ARHGAP39: variants seen among roughly 807,000 people sequenced by gnomAD.
ARHGAP39 encodes the protein Rho GTPase activating protein 39.
Under a neutral mutation model 106.9 loss-of-function variants are expected in ARHGAP39, and 44 were observed. That is an observed-to-expected ratio of 0.41 (90% CI 0.32 to 0.53). ARHGAP39 has a LOEUF of 0.53. Among genes scored for constraint, ARHGAP39 ranks in the 20% least tolerant of loss-of-function variants. ARHGAP39 has a pLI of 0.21. For synonymous variants in ARHGAP39, 768 were observed against 693.2 expected, an observed-to-expected ratio of 1.11 and a Z score of -1.69; for missense variants, 1,496 against 1,577.3, an observed-to-expected ratio of 0.95 and a Z score of 0.87.
chr8:144,663,916 C>G (rs1174734755), intron 1 of ARHGAP39, among the ~76,000 whole-genome samples: 1 of 152,202 alleles, frequency 6.6e-6, no homozygotes, highest in East Asian at 1.9e-4. Flanking sequence ...CCTGTAATCC[C>G]AGCACGCTGG....
At chr8:144,571,064 C>T (rs370027110) in intron 3 of ARHGAP39, among the ~76,000 whole-genome samples, 1 of 152,178 alleles carries the variant, frequency 6.6e-6, no homozygotes, top group African/African-American at 2.4e-5. Context: ...CAGAGAGGAG[C>T]TGGTACCAGT....
intron 1 of ARHGAP39, among the ~76,000 whole-genome samples, chr8:144,669,405 G>A (rs1427129522): frequency 1.4e-5 from 2 of 143,218 alleles, no homozygotes; most frequent in Non-Finnish European, 3.0e-5. Flanking sequence ...TATTCAGGAG[G>A]CTGAGGCAGG....
At chr8:144,639,973 AAGAC>A (rs1821270347) in intron 1 of ARHGAP39, among the ~76,000 whole-genome samples, 1 of 152,208 alleles carries the variant, frequency 6.6e-6, no homozygotes, top group Non-Finnish European at 1.5e-5. Flanking sequence ...TAACATGAAA[AAGAC>A]AGCATTTTCA....
At chr8:144,652,971 C>T (rs150847256) in intron 1 of ARHGAP39, among the ~76,000 whole-genome samples, 1 of 152,084 alleles carries the variant, frequency 6.6e-6, no homozygotes, top group Non-Finnish European at 1.5e-5. Context: ...AGGTTCTCAA[C>T]GTGATTTTAA....
chr8:144,699,760 G>A, the ARHGAP39 span, among the ~76,000 whole-genome samples: 6 of 152,070 alleles, frequency 3.9e-5, no homozygotes, highest in East Asian at 5.8e-4. Flanking sequence ...GTAGGAAAGC[G>A]GGCTTCTCAC....
chr8:144,556,431 A>C (rs1368849672), intron 3 of ARHGAP39, among the ~76,000 whole-genome samples: 2 of 152,254 alleles, frequency 1.3e-5, no homozygotes, highest in African/African-American at 4.8e-5. Flanking sequence ...CAAACCGATA[A>C]GTATTTATGA....
intron 1 of ARHGAP39, among the ~76,000 whole-genome samples, chr8:144,677,685 A>G (rs1368609200): frequency 6.6e-6 from 1 of 152,002 alleles, no homozygotes; most frequent in African/African-American, 2.4e-5. Context: ...AAGGGTAAGG[A>G]AAAAAACAGA....
chr8:144,664,222 C>T (rs1400133676), intron 1 of ARHGAP39, among the ~76,000 whole-genome samples: 1 of 152,144 alleles, frequency 6.6e-6, no homozygotes, highest in Non-Finnish European at 1.5e-5. Flanking sequence ...CAGATTCCAA[C>T]AGCCTATCCC....
chr8:144,577,336 G>A (rs1269396987), intron 3 of ARHGAP39, among the ~76,000 whole-genome samples: 1 of 152,178 alleles, frequency 6.6e-6, no homozygotes, highest in Non-Finnish European at 1.5e-5. Context: ...GACTGAAGGA[G>A]AGAAACCACG....
intron 1 of ARHGAP39, among the ~76,000 whole-genome samples, chr8:144,664,785 G>T (rs1472039790): frequency 6.6e-6 from 1 of 152,168 alleles, no homozygotes; most frequent in Non-Finnish European, 1.5e-5. Context: ...GATTCTGAGG[G>T]TTCCCCAACC....
At chr8:144,696,929 G>A in the ARHGAP39 span, among the ~76,000 whole-genome samples, 5 of 152,090 alleles carry the variant, frequency 3.3e-5, no homozygotes, top group Non-Finnish European at 7.3e-5. Flanking sequence ...TGTCGTGACT[G>A]GCTTATTTAT....
rs1822531356 is a variant in ARHGAP39 at position 144,684,706 on chromosome 8, C to T, written c.-82+980G>A. Among the ~76,000 whole-genome samples the T allele has an allele frequency of 6.6e-6, 1 of 152,354 alleles. No individual in the cohort carries two copies. The highest frequency in any genetic ancestry group is 2.1e-4 in the South Asian group (1 of 4,824). On this transcript the variant is annotated intron_variant, in intron 1 of 11. Coordinates refer to ENST00000377307, the MANE Select transcript of ARHGAP39 (RefSeq NM_025251.3). The surrounding 1 kb of genome is among the most constrained non-coding windows in gnomAD (Gnocchi z 4.4). ...CGCCGCCCTGGGCACGGAACGCCGCCTCCACCCACAGCACTCCAGCAACTG... is the reference window on the plus strand; with the variant it reads ...CGCCGCCCTGGGCACGGAACGCCGCTTCCACCCACAGCACTCCAGCAACTG...
intron 6 of ARHGAP39, 88 bp from the exon 7 acceptor site, chr8:144,537,901 G>T (rs2075465307): frequency 1.7e-6 from 2 of 1,185,528 alleles, no homozygotes; most frequent in Non-Finnish European, 2.5e-6. Flanking sequence ...TGGTGAGCAG[G>T]CCCCTGGGCC....
intron 1 of ARHGAP39, among the ~76,000 whole-genome samples, chr8:144,635,194 G>A (rs561036096): frequency 2.0e-5 from 3 of 152,250 alleles, no homozygotes; most frequent in African/African-American, 7.2e-5. Flanking sequence ...TGAGGATGGG[G>A]TAGGTCACCA....
At chr8:144,600,119 G>A (rs866480698) in intron 2 of ARHGAP39, among the ~76,000 whole-genome samples, 9 of 151,908 alleles carry the variant, frequency 5.9e-5, no homozygotes, top group Admixed American at 2.6e-4. Context: ...CTATGTGTGC[G>A]TAGAGACGAG....
intron 3 of ARHGAP39, among the ~76,000 whole-genome samples, chr8:144,566,520 A>G (rs1018214426): frequency 6.6e-6 from 1 of 152,006 alleles, no homozygotes; most frequent in Non-Finnish European, 1.5e-5. Flanking sequence ...ACGCCATTCC[A>G]CTCCAGCCTG....
intron 2 of ARHGAP39, among the ~76,000 whole-genome samples, chr8:144,587,354 C>T (rs921935574): frequency 2.0e-5 from 3 of 152,106 alleles, no homozygotes; most frequent in South Asian, 2.1e-4. Context: ...AGCCAGAACG[C>T]GTGGAATGCA....
In ARHGAP39 at chr8:144,618,842, G is replaced by A. The variant is rs563319398; in HGVS notation, c.-81-13147C>T. On this transcript the variant is annotated intron_variant, in intron 1 of 11. Coordinates refer to ENST00000377307, the MANE Select transcript of ARHGAP39 (RefSeq NM_025251.3). ...TCCTCCCGAGGCCCTGTGGCGTGGC[G>A]TGAGCAGGACCGCGGGCGCACAGCC... is the stretch of plus-strand genomic sequence containing the variant. 5.2e-5 allele frequency among the ~76,000 whole-genome samples: 8 copies of A among 152,392 alleles called. No individual in the cohort carries two copies. The East Asian group carries it at 9.6e-4, about 18-fold the overall frequency.
At position 144,647,739 on chromosome 8, in the gene ARHGAP39, G is replaced by A. The variant is rs899233632; in HGVS notation, c.-82+37947C>T. 3.3e-5 allele frequency among the ~76,000 whole-genome samples: 5 copies of A among 152,266 alleles called. No individual in the cohort carries two copies. The highest frequency in any genetic ancestry group is 3.8e-4 in the East Asian group (2 of 5,206). On this transcript the variant is annotated intron_variant, in intron 1 of 11. Coordinates refer to ENST00000377307, the MANE Select transcript of ARHGAP39 (RefSeq NM_025251.3). This position sits in a 1 kb window ranked among gnomAD's most constrained non-coding sequence, Gnocchi z 4.8. The stretch of plus-strand genomic sequence containing the variant: ...CAGAATGCAGAGAAAGCAAGACGCC[G>A]TGCCAGGGGAGGGCAGCTGGAAGCC...
Sources: allele counts gnomAD v4.1 joint callset (sites outside exome capture counted in the v4.1 genomes callset), GRCh38; gene constraint gnomAD v4.1.1; non-coding constraint Gnocchi (gnomAD v3.1); transcripts MANE v1.5; gene names NCBI Gene and HGNC (gene_info 2026-07-23, HGNC 2026-07-21).